The following EFCAB6 variants were observed in gnomAD, a reference collection of about 807,000 sequenced individuals.
EFCAB6 encodes the protein EF-hand calcium binding domain 6, also known as EF-hand calcium-binding domain-containing protein 6.
Under a neutral mutation model 169.8 loss-of-function variants are expected in EFCAB6, and 156 were observed. The observed-to-expected ratio is 0.92, with a 90% confidence interval of 0.81 to 1.05. The LOEUF is 1.05. Ranked by LOEUF, EFCAB6 falls within the 50% of genes least tolerant of loss-of-function variation. The pLI is 0.00. For missense variants in EFCAB6, 1,800 were observed against 1,829.1 expected, an observed-to-expected ratio of 0.98 and a Z score of 0.29; for synonymous variants, 698 against 676.4, an observed-to-expected ratio of 1.03 and a Z score of -0.50.
chr22:43,733,468 T>C (rs1289229755), intron 7 of EFCAB6, among the ~76,000 whole-genome samples: 2 of 152,184 alleles, frequency 1.3e-5, no homozygotes, highest in Non-Finnish European at 2.9e-5. Flanking sequence ...GGTTTTGAGA[T>C]GTCCTGATTA....
intron 9 of EFCAB6, among the ~76,000 whole-genome samples, chr22:43,712,436 T>A (rs549688032): frequency 1.3e-5 from 2 of 152,296 alleles, no homozygotes; most frequent in Non-Finnish European, 2.9e-5. Flanking sequence ...TGGAAATATA[T>A]GTATAAGAAA....
chr22:43,811,595 G>A (rs891814393), intron 1 of EFCAB6, among the ~76,000 whole-genome samples: 3 of 152,102 alleles, frequency 2.0e-5, no homozygotes, highest in Non-Finnish European at 2.9e-5. Context: ...GTAATTATGT[G>A]CAGGCTGTGG....
intron 6 of EFCAB6, among the ~76,000 whole-genome samples, chr22:43,751,263 GCTTT>G (rs2060750980): frequency 6.6e-6 from 1 of 152,176 alleles, no homozygotes; most frequent in Non-Finnish European, 1.5e-5. Flanking sequence ...GGTCAGAATA[GCTTT>G]CTGTTTCTCA....
intron 19 of EFCAB6, among the ~76,000 whole-genome samples, chr22:43,629,472 C>A (rs775709673): frequency 6.6e-6 from 1 of 152,168 alleles, no homozygotes; most frequent in Admixed American, 6.5e-5. Context: ...AGTTCGCTGC[C>A]CAGCATCAGG....
At chr22:43,680,767 G>A (rs990067420) in intron 12 of EFCAB6, among the ~76,000 whole-genome samples, 1 of 152,114 alleles carries the variant, frequency 6.6e-6, no homozygotes, top group Non-Finnish European at 1.5e-5. Context: ...CTAGTTTATA[G>A]AAATATAACT....
intron 10 of EFCAB6, among the ~76,000 whole-genome samples, chr22:43,695,253 T>C (rs2058533290): frequency 6.6e-6 from 1 of 151,984 alleles, no homozygotes; most frequent in South Asian, 2.1e-4. Flanking sequence ...CATGTACAGT[T>C]TCATCAAAAA....
chr22:43,611,835 A>T (rs2053328956), intron 21 of EFCAB6, among the ~76,000 whole-genome samples: 1 of 152,172 alleles, frequency 6.6e-6, no homozygotes, highest in South Asian at 2.1e-4. Flanking sequence ...ATATGGAACC[A>T]AAAAGAGTCT....
At chr22:43,721,120 C>T (rs1428496966) in intron 8 of EFCAB6, among the ~76,000 whole-genome samples, 29 of 152,206 alleles carry the variant, frequency 1.9e-4, no homozygotes, top group South Asian at 2.1e-4. Flanking sequence ...TACAATCCCA[C>T]GTGCAATAGC....
In EFCAB6 at chr22:43,672,245, C is replaced by G; in HGVS notation, c.1479+1G>C. ...ACACAAAGAAGGCAAGTGTTACTTA[C>G]TGAATCCCAGGCCAGGAGGAAAGGT... On this transcript the variant is annotated splice_donor_variant, in intron 14 of 31. Coordinates refer to ENST00000262726, the MANE Select transcript of EFCAB6 (RefSeq NM_022785.4). LOFTEE classifies it high-confidence loss of function. 1.2e-6 allele frequency: 2 copies of G among 1,614,166 alleles called. No individual in the cohort carries two copies. The highest frequency in any genetic ancestry group is 1.1e-5 in the South Asian group (1 of 91,076).
chr22:43,551,186 G>A (rs1389616000), intron 27 of EFCAB6, among the ~76,000 whole-genome samples: 3 of 152,198 alleles, frequency 2.0e-5, no homozygotes, highest in African/African-American at 7.2e-5. Context: ...GAGTACAAAT[G>A]ACCCCCACGT....
intron 8 of EFCAB6, among the ~76,000 whole-genome samples, chr22:43,722,912 A>G (rs1158111833): frequency 1.4e-4 from 22 of 152,350 alleles, no homozygotes; most frequent in African/African-American, 4.8e-4. Context: ...AGCAACATGC[A>G]TGGAGCTGGA....
chr22:43,674,357 G>A (rs1188903530), intron 13 of EFCAB6, among the ~76,000 whole-genome samples: 2 of 152,168 alleles, frequency 1.3e-5, no homozygotes, highest in Admixed American at 1.3e-4. Context: ...ATAACAGAAA[G>A]GTCTCTGCCT....
intron 4 of EFCAB6, among the ~76,000 whole-genome samples, chr22:43,768,483 T>C (rs540698786): frequency 1.3e-5 from 2 of 152,300 alleles, no homozygotes; most frequent in East Asian, 1.9e-4. Flanking sequence ...CATAGAACCA[T>C]CTAGAAAAGC....
chr22:43,726,276 CAAAAAAAAAAA>C (rs3994547), intron 8 of EFCAB6, among the ~76,000 whole-genome samples: 4 of 59,356 alleles, frequency 6.7e-5, no homozygotes, highest in African/African-American at 2.9e-4. Context: ...AAAAATTCAC[CAAAAAAAAAAA>C]AAAAAAAAAA....
At chr22:43,630,657 G>A (rs1377193891) in intron 19 of EFCAB6, among the ~76,000 whole-genome samples, 2 of 152,220 alleles carry the variant, frequency 1.3e-5, no homozygotes, top group East Asian at 1.9e-4. Context: ...GCACAGAAGG[G>A]AGTCTGCTCC....
At chr22:43,734,167 A>G (rs1241053816) in intron 7 of EFCAB6, among the ~76,000 whole-genome samples, 1 of 152,206 alleles carries the variant, frequency 6.6e-6, no homozygotes, top group Non-Finnish European at 1.5e-5. Context: ...TTGATATTAA[A>G]TAGAAAGCTG....
chr22:43,542,571 C>T (rs1479215685), intron 27 of EFCAB6, among the ~76,000 whole-genome samples: 1 of 152,164 alleles, frequency 6.6e-6, no homozygotes, highest in Non-Finnish European at 1.5e-5. Flanking sequence ...AAGAGCAAGA[C>T]TCCATCTCAA....
intron 18 of EFCAB6, among the ~76,000 whole-genome samples, chr22:43,632,698 T>C (rs2055070408): frequency 6.6e-6 from 1 of 152,112 alleles, no homozygotes; most frequent in African/African-American, 2.4e-5. Flanking sequence ...ACAGCATTGA[T>C]TTTCTTACTA....
chr22:43,727,970 T>G (rs2059799494), intron 8 of EFCAB6, among the ~76,000 whole-genome samples: 1 of 151,838 alleles, frequency 6.6e-6, no homozygotes, highest in African/African-American at 2.4e-5. Context: ...TAGGTATACA[T>G]GTGCCATGGT....
Sources: allele counts gnomAD v4.1 joint callset (sites outside exome capture counted in the v4.1 genomes callset), GRCh38; gene constraint gnomAD v4.1.1; transcripts MANE v1.5; gene names NCBI Gene and HGNC (gene_info 2026-07-23, HGNC 2026-07-21).